The following HSPG2 variants were observed in gnomAD, a reference collection of about 807,000 sequenced individuals.
The protein encoded by HSPG2 is basement membrane-specific heparan sulfate proteoglycan core protein.
HSPG2 carries 278 observed loss-of-function variants against 526.6 expected under a neutral mutation model. The ratio of observed to expected loss-of-function variants is 0.53; its 90% confidence interval spans 0.48 to 0.58. The LOEUF is 0.58. HSPG2 is among the 20% of genes least tolerant of loss of function. The probability of loss-of-function intolerance (pLI) is 0.00; values close to 1 mark genes in which losing one functional copy is unlikely to be tolerated. For synonymous variants in HSPG2, 2,465 were observed against 2,555.4 expected, an observed-to-expected ratio of 0.96 and a Z score of 1.07; for missense variants, 5,354 against 6,099.5, an observed-to-expected ratio of 0.88 and a Z score of 4.07.
chr1:21,855,118 A>C, intron 47 of HSPG2, 135 bp from the exon 48 acceptor site: 1 of 1,360,152 alleles, frequency 7.4e-7, no homozygotes, highest in Non-Finnish European at 1.0e-6. Context: ...AGGAGGACAA[A>C]CGCCAGGCAG....
At position 21,824,036 on chromosome 1, in the gene HSPG2, C is replaced by T. The variant is rs181703777; in HGVS notation, c.12899+85G>A. ...AGTTCTGTCTCCACAGAGCTCAATA[C>T]CTGCCTCTCTGCCCATGGTAGGGGG... On this transcript the variant is annotated intron_variant, in intron 95 of 96. Coordinates refer to ENST00000374695, the MANE Select transcript of HSPG2 (RefSeq NM_005529.7). This position sits in a 1 kb window ranked among gnomAD's most constrained non-coding sequence, Gnocchi z 5.9. The T allele has an allele frequency of 5.5e-6, 7 of 1,278,346 alleles. No homozygotes were observed. The African/African-American group carries it at 5.9e-5, about 11-fold the overall frequency. The allele number at this position is 1,278,346 out of a possible 1,614,324, so 79.2% of individuals were successfully genotyped here.
rs1240925009 is a variant in HSPG2, at chr1:21,937,187, G to A, written c.31C>T (p.Leu11=). 1.8e-6 allele frequency: 2 copies of A among 1,084,524 alleles called. No homozygotes were observed. The highest frequency in any genetic ancestry group is 7.3e-5 in the Admixed American group (2 of 27,402). 67.2% of individuals were successfully genotyped at this position (1,084,524 alleles called of 1,614,324 possible). A position where few individuals can be genotyped will look rare whatever the true frequency, so the allele number is the denominator to read the frequency against. The part of the protein sequence containing the change: MGWRAAGALL[L]ALLLHGRLLA... ...AGCCGCCCGTGCAGCAGCAGCGCCA[G>A]CAGCAGCGCGCCCGCCGCCCGCCAC... The change falls in exon 1 of 97, where the codon CTG becomes TTG. Residue 11 remains leucine, a synonymous_variant. Transcript: ENST00000374695.
intron 39 of HSPG2, 95 bp from the exon 40 acceptor site, chr1:21,860,330 A>G (rs1023563648): frequency 1.7e-4 from 204 of 1,172,106 alleles, no homozygotes; most frequent in Non-Finnish European, 2.3e-4. Context: ...AGGCCACCCA[A>G]TGTCAGGTGA....
chr1:21,853,863 GC>G, intron 50 of HSPG2: 1 of 381,052 alleles, frequency 2.6e-6, no homozygotes, highest in South Asian at 2.7e-5. Flanking sequence ...TGAATCTGAG[GC>G]CCCAAAAGTT....
intron 1 of HSPG2, among the ~76,000 whole-genome samples, chr1:21,910,060 C>G (rs1311288033): frequency 6.6e-6 from 1 of 152,202 alleles, no homozygotes; most frequent in Admixed American, 6.5e-5. Context: ...GCCACCGCAC[C>G]ATATAGGGAA....
chr1:21,855,439 A>G lies in HSPG2; in HGVS notation c.5862T>C (p.Gly1954=), dbSNP rs946110565. ...CTGGGCTCACTTGGACTCTGGGCCC[A>G]CCGCCCCCTGCAGACAGAGTCCTGT... ...ARAVLHVHGG[G]GPRVQVSPER... The change falls in exon 47 of 97, where the codon GGT becomes GGC. Residue 1954 remains glycine, a synonymous_variant. Transcript: ENST00000374695. 28 of 1,612,954 alleles carry G rather than the reference A, an allele frequency of 1.7e-5. No homozygotes were observed. Among genetic ancestry groups the G allele is most frequent in the Non-Finnish European group, 2.4e-5 (28 of 1,179,852 alleles).
At position 21,908,386 on chromosome 1, in the gene HSPG2, A is replaced by G. The variant is rs183678904; in HGVS notation, c.64-12076T>C. ...AATTAATGTGCGTATTGAGCACATTAAGCACTCTGAGAGCCGAGATAGCTT... is the reference window on the plus strand; with the variant it reads ...AATTAATGTGCGTATTGAGCACATTGAGCACTCTGAGAGCCGAGATAGCTT... On this transcript the variant is annotated intron_variant, in intron 1 of 96. Coordinates refer to ENST00000374695, the MANE Select transcript of HSPG2 (RefSeq NM_005529.7). 3.1e-4 allele frequency: 331 copies of G among 1,067,932 alleles called. 2 individuals carry two copies. In the African/African-American group the frequency reaches 4.5e-3, roughly 15 times the overall value. The allele number at this position is 1,067,932 out of a possible 1,614,324, so 66.2% of individuals were successfully genotyped here.
At chr1:21,899,386 A>G (rs1420042120) in intron 1 of HSPG2, among the ~76,000 whole-genome samples, 1 of 152,188 alleles carries the variant, frequency 6.6e-6, no homozygotes, top group Non-Finnish European at 1.5e-5. Context: ...ATCTGCTTGA[A>G]GAATAATAAC....
Position 21,876,017 on chromosome 1 carries a change from C to T in HSPG2, c.3029G>A (p.Arg1010His), listed in dbSNP as rs541960917. Residue 1010 changes from arginine to histidine, a missense_variant, in exon 24 of 97, where the codon CGC becomes CAC. Transcript: ENST00000374695. ...CTGGGACCTCTGGGTCACTGTGAAG[C>T]GCAGCTCTCCTCCATAGGAGGTCAC... The part of the protein sequence containing the change: ...DKVTSYGGEL[R>H]FTVTQRSQPG... 25 of 1,614,050 alleles carry T rather than the reference C, an allele frequency of 1.5e-5. No individual in the cohort carries two copies. The highest frequency in any genetic ancestry group is 1.7e-4 in the Middle Eastern group (1 of 6,060).
chr1:21,885,047 T>A lies in HSPG2; in HGVS notation c.1321A>T (p.Arg441Trp), dbSNP rs1464813682. ...IGVPTPIINW[R>W]LNWGHIPSHP... Reference sequence around the variant, plus strand: ...GAGGGGATGTGGCCCCAGTTGAGCCTCCAATTGATGATGGGGGTGGGGACG... The same window carrying A: ...GAGGGGATGTGGCCCCAGTTGAGCCACCAATTGATGATGGGGGTGGGGACG... The change falls in exon 11 of 97, where the codon AGG becomes TGG. Residue 441 changes from arginine (R) to tryptophan (W), a missense_variant. Physicochemically the swap from Arg to Trp is moderately radical, Grantham distance 101. Coordinates refer to ENST00000374695, the MANE Select transcript of HSPG2 (RefSeq NM_005529.7). 3.1e-6 allele frequency: 5 copies of A among 1,613,794 alleles called. No homozygotes were observed. Among genetic ancestry groups the A allele is most frequent in the Non-Finnish European group, 4.2e-6 (5 of 1,179,970 alleles).
chr1:21,873,110 A>G lies in HSPG2; in HGVS notation c.3794-19T>C, dbSNP rs1218313235. Reference sequence around the variant, plus strand: ...CTGTCTCCTGAGGTGGAAGAAAGCCATGGCTGGAGCCCCAAACCCGCCACC... The same window carrying G: ...CTGTCTCCTGAGGTGGAAGAAAGCCGTGGCTGGAGCCCCAAACCCGCCACC... On this transcript the variant is annotated intron_variant, in intron 30 of 96. Coordinates refer to ENST00000374695, the MANE Select transcript of HSPG2 (RefSeq NM_005529.7). 1.3e-6 allele frequency: 2 copies of G among 1,592,606 alleles called. No individual in the cohort carries two copies. Among genetic ancestry groups the G allele is most frequent in the Non-Finnish European group, 1.7e-6 (2 of 1,173,368 alleles).
chr1:21,841,870 G>A (rs569734335), intron 69 of HSPG2, 132 bp downstream of exon 69: 105 of 1,377,186 alleles, frequency 7.6e-5, no homozygotes, highest in South Asian at 1.3e-4. Flanking sequence ...ATACAGAGAC[G>A]GGAAGGGCCT....
In HSPG2 at chr1:21,855,380, C is replaced by G; in HGVS notation, c.5921G>C (p.Arg1974Thr). ...CACGCCTGCAGCCCTGCAGTACAGCCTGACGGTGCGGCCTGCGTGGACCTG... is the reference window on the plus strand; with the variant it reads ...CACGCCTGCAGCCCTGCAGTACAGCGTGACGGTGCGGCCTGCGTGGACCTG... ...RTQVHAGRTVRLYCRAAGVPS... is the reference protein window; with the variant it reads ...RTQVHAGRTVTLYCRAAGVPS... Residue 1974 changes from arginine to threonine, a missense_variant, in exon 47 of 97, where the codon AGG (arginine) becomes ACG (threonine). Physicochemically the swap from Arg to Thr is moderately conservative, Grantham distance 71. Transcript: ENST00000374695. 6.2e-7 allele frequency: 1 copy of G among 1,612,780 alleles called. No individual in the cohort carries two copies. The highest frequency in any genetic ancestry group is 8.5e-7 in the Non-Finnish European group (1 of 1,179,718).
In HSPG2 at chr1:21,872,770, C is replaced by T. The variant is rs147334960; in HGVS notation, c.3889-10G>A. ...GGCCTTCCACCTGGGCCTGGGTAGACGGATGGAAGGAGGCAGGCAGGGGAC... is the reference window on the plus strand; with the variant it reads ...GGCCTTCCACCTGGGCCTGGGTAGATGGATGGAAGGAGGCAGGCAGGGGAC... On this transcript the variant is annotated splice_polypyrimidine_tract_variant and intron_variant, in intron 31 of 96. Coordinates refer to ENST00000374695, the MANE Select transcript of HSPG2 (RefSeq NM_005529.7). This position sits in a 1 kb window ranked among gnomAD's most constrained non-coding sequence, Gnocchi z 5.5. 579 of 1,607,006 alleles carry T rather than the reference C, an allele frequency of 3.6e-4. 2 individuals are homozygous for T. In the African/African-American group the frequency reaches 5.7e-3, roughly 16 times the overall value.
rs1638400539 is a variant in HSPG2 at position 21,845,997 on chromosome 1, C to A, written c.8464+111G>T. The A allele has an allele frequency of 1.4e-5, 18 of 1,302,396 alleles. No individual in the cohort carries two copies. The South Asian group carries it at 1.7e-4, about 12-fold the overall frequency. The allele number at this position is 1,302,396 out of a possible 1,614,324, so 80.7% of individuals were successfully genotyped here. A position where few individuals can be genotyped will look rare whatever the true frequency, so the allele number is the denominator to read the frequency against. ...CGGGAGGTGAAGTCTGGAATCAGAG[C>A]GGCAGTTCTCGCCGAGTGCCAGAAA... On this transcript the variant is annotated intron_variant, in intron 64 of 96. Transcript: ENST00000374695.
rs1261154020 is a variant in HSPG2 at position 21,904,687 on chromosome 1, G to T, written c.64-8377C>A. ...TGCCAGGTGTGGCCAAGGCGGTGGG[G>T]GTGGCCTAAGCGGGAACAGCTTCTG... On this transcript the variant is annotated intron_variant, in intron 1 of 96. Transcript: ENST00000374695. The surrounding 1 kb of genome is among the most constrained non-coding windows in gnomAD (Gnocchi z 4.4). Among the ~76,000 whole-genome samples the T allele has an allele frequency of 6.6e-6, 1 of 152,214 alleles. No individual in the cohort carries two copies. Among genetic ancestry groups the T allele is most frequent in the Non-Finnish European group, 1.5e-5 (1 of 68,034 alleles).
At chr1:21,877,487 A>G (rs1036830918) in intron 21 of HSPG2, 7 of 139,848 alleles carry the variant, frequency 5.0e-5, no homozygotes, top group Non-Finnish European at 1.1e-4. Context: ...GACACTTGAT[A>G]CTCACATTCT....
intron 6 of HSPG2, chr1:21,888,705 T>C: frequency 7.3e-7 from 1 of 1,362,312 alleles, no homozygotes; most frequent in East Asian, 4.6e-5. Flanking sequence ...CCGGCGGGGG[T>C]GGGGGGGTCT....
chr1:21,848,186 G>T lies in HSPG2; in HGVS notation c.7738-93C>A, dbSNP rs770848174. 1 of 1,431,316 alleles carries T rather than the reference G, an allele frequency of 7.0e-7. No individual in the cohort carries two copies. The highest frequency in any genetic ancestry group is 9.5e-7 in the Non-Finnish European group (1 of 1,051,224). 88.7% of individuals were successfully genotyped at this position (1,431,316 alleles called of 1,614,324 possible). A position where few individuals can be genotyped will look rare whatever the true frequency, so the allele number is the denominator to read the frequency against. On this transcript the variant is annotated intron_variant, in intron 59 of 96. Coordinates refer to ENST00000374695, the MANE Select transcript of HSPG2 (RefSeq NM_005529.7). The surrounding 1 kb of genome is among the most constrained non-coding windows in gnomAD (Gnocchi z 4.9). ...CTGCCGCTGCCCCTGGACTCTGGGG[G>T]CCTCCCTGCCTTGCCTCCTCAGTGG...
Sources: allele counts gnomAD v4.1 joint callset (sites outside exome capture counted in the v4.1 genomes callset), GRCh38; gene constraint gnomAD v4.1.1; non-coding constraint Gnocchi (gnomAD v3.1); transcripts MANE v1.5; gene names NCBI Gene and HGNC (gene_info 2026-07-23, HGNC 2026-07-21).